The following KCTD1 variants were observed in gnomAD, a reference collection of about 807,000 sequenced individuals.
KCTD1 encodes BTB/POZ domain-containing protein KCTD1.
Under a neutral mutation model 66.0 loss-of-function variants are expected in KCTD1, and 24 were observed. The observed-to-expected ratio is 0.36, with a 90% CI of 0.26 to 0.51. The LOEUF is 0.51. KCTD1 is among the 20% of genes least tolerant of loss of function. The probability of loss-of-function intolerance (pLI) is 0.95; values close to 1 mark genes in which losing one functional copy is unlikely to be tolerated. For synonymous variants in KCTD1, 511 were observed against 517.2 expected (o/e 0.99, Z 0.16); for missense variants, 943 against 1,205.2 (o/e 0.78, Z 3.22).
chr18:26,499,572 T>C lies in KCTD1; in HGVS notation c.1988+1500A>G, dbSNP rs545864635. On this transcript the variant is annotated intron_variant, in intron 2 of 4. Transcript: ENST00000580059. Reference sequence around the variant, plus strand: ...AAATTAAGAGAGAAAACATTTCATCTTTCTTCTTTCCAACCTTCACATTCT... The same window carrying C: ...AAATTAAGAGAGAAAACATTTCATCCTTCTTCTTTCCAACCTTCACATTCT... 1.9e-4 allele frequency among the ~76,000 whole-genome samples: 29 copies of C among 152,374 alleles called. No homozygotes were observed. In the South Asian group the frequency reaches 5.2e-3, roughly 27 times the overall value.
intron 1 of KCTD1, among the ~76,000 whole-genome samples, chr18:26,507,065 C>A (rs1296433395): frequency 6.6e-6 from 1 of 152,068 alleles, no homozygotes; most frequent in East Asian, 1.9e-4. Context: ...ACTCGGGAGG[C>A]GGAGGCAGGA....
intron 1 of KCTD1, among the ~76,000 whole-genome samples, chr18:26,554,798 G>A (rs918999968): frequency 5.9e-5 from 9 of 152,182 alleles, no homozygotes; most frequent in Non-Finnish European, 8.8e-5. Context: ...CAAGAGAAAT[G>A]TAGTTTTCCA....
intron 1 of KCTD1, among the ~76,000 whole-genome samples, chr18:26,595,442 G>T (rs1376758101): frequency 1.3e-5 from 2 of 152,266 alleles, no homozygotes; most frequent in East Asian, 3.9e-4. Flanking sequence ...TTGCAGTTAG[G>T]CTTTGGCACG....
At chr18:26,584,382 T>C (rs996092512) in intron 1 of KCTD1, among the ~76,000 whole-genome samples, 2 of 152,240 alleles carry the variant, frequency 1.3e-5, no homozygotes, top group Non-Finnish European at 2.9e-5. Flanking sequence ...TTGTGATGTA[T>C]TGGGTTAAAC....
intron 1 of KCTD1, among the ~76,000 whole-genome samples, chr18:26,618,401 G>C (rs1987303519): frequency 6.6e-6 from 1 of 152,214 alleles, no homozygotes; most frequent in Non-Finnish European, 1.5e-5. Flanking sequence ...AAGTGGACTA[G>C]AGCCTTTGCT....
intron 3 of KCTD1, 54 bp from the exon 4 acceptor site, chr18:26,459,979 CAT>C: frequency 7.6e-7 from 1 of 1,316,086 alleles, no homozygotes; most frequent in Non-Finnish European, 1.0e-6. Flanking sequence ...AAGTACTAAA[CAT>C]GTCCACATCT....
intron 1 of KCTD1, among the ~76,000 whole-genome samples, chr18:26,561,465 C>CTATTGTAGA (rs1314470426): frequency 6.6e-6 from 1 of 152,152 alleles, no homozygotes; most frequent in African/African-American, 2.4e-5. Context: ...CTCCAGGTGC[C>CTATTGTAGA]TATTGTAGAT....
At chr18:26,524,882 T>C (rs1419992628) in intron 1 of KCTD1, among the ~76,000 whole-genome samples, 1 of 152,212 alleles carries the variant, frequency 6.6e-6, no homozygotes, top group Non-Finnish European at 1.5e-5. Flanking sequence ...GCATATGCTC[T>C]TCTGGAGTCA....
upstream of KCTD1, among the ~76,000 whole-genome samples, chr18:26,632,423 A>G (rs1987641045): frequency 6.6e-6 from 1 of 152,128 alleles, no homozygotes; most frequent in South Asian, 2.1e-4. Context: ...AAATAAATCA[A>G]CATAAAGACA....
chr18:26,514,479 G>C (rs544597140), intron 1 of KCTD1, among the ~76,000 whole-genome samples: 8 of 147,540 alleles, frequency 5.4e-5, no homozygotes, highest in South Asian at 4.4e-4. Flanking sequence ...AAGCCCAGGA[G>C]TTTGAGGCTG....
Position 26,529,942 on chromosome 18 carries a change from T to C in KCTD1, c.1809+16786A>G, listed in dbSNP as rs542807291. 2.0e-4 allele frequency among the ~76,000 whole-genome samples: 30 copies of C among 152,280 alleles called. No homozygotes were observed. The East Asian group carries it at 4.2e-3, about 22-fold the overall frequency. ...AAACTCAGAAAGTGAGAAGAGGTGA[T>C]AAACATAAACAATGTCAACAAAACC... On this transcript the variant is annotated intron_variant, in intron 1 of 4. Transcript: ENST00000580059.
At chr18:26,483,004 T>C (rs1278472284) in intron 2 of KCTD1, among the ~76,000 whole-genome samples, 2 of 152,206 alleles carry the variant, frequency 1.3e-5, no homozygotes, top group Non-Finnish European at 2.9e-5. Flanking sequence ...CCATGGGACA[T>C]ATGGTTTGGA....
At chr18:26,603,417 A>AGT (rs1175430688) in intron 1 of KCTD1, among the ~76,000 whole-genome samples, 3 of 137,258 alleles carry the variant, frequency 2.2e-5, no homozygotes, top group African/African-American at 8.4e-5. Context: ...GGGCAACTGG[A>AGT]GTGAGACCCT....
intron 1 of KCTD1, among the ~76,000 whole-genome samples, chr18:26,598,815 A>G (rs1489174618): frequency 6.7e-6 from 1 of 149,604 alleles, no homozygotes; most frequent in East Asian, 1.9e-4. Context: ...TCTCTCTTTA[A>G]ATTCTTTGCC....
At chr18:26,565,132 T>C (rs1210348494) in intron 1 of KCTD1, among the ~76,000 whole-genome samples, 1 of 152,174 alleles carries the variant, frequency 6.6e-6, no homozygotes, top group East Asian at 1.9e-4. Flanking sequence ...GGAAGATCCT[T>C]TGAAGGTGAA....
intron 1 of KCTD1, among the ~76,000 whole-genome samples, chr18:26,525,578 T>C (rs183808397): frequency 2.6e-5 from 4 of 152,354 alleles, no homozygotes; most frequent in East Asian, 3.9e-4. Flanking sequence ...ATGGTCAGCC[T>C]CTTCCTGCCT....
At chr18:26,599,996 G>A (rs1160599375) in intron 1 of KCTD1, 2 of 1,610,752 alleles carry the variant, frequency 1.2e-6, no homozygotes, top group African/African-American at 1.3e-5. Flanking sequence ...GCCAAGCTGT[G>A]GACCCTCTCA....
chr18:26,532,968 G>A lies in KCTD1; in HGVS notation c.1809+13760C>T, dbSNP rs12607327. Among the ~76,000 whole-genome samples, 62 of 152,332 alleles carry A rather than the reference G, an allele frequency of 4.1e-4. No individual in the cohort carries two copies. The East Asian group carries it at 0.01, about 25-fold the overall frequency. On this transcript the variant is annotated intron_variant, in intron 1 of 4. Transcript: ENST00000580059. The stretch of plus-strand genomic sequence containing the variant: ...CGAAGTTGGTGCTCAATAAATGTTT[G>A]TTAAATGAATAGAATAAGTGAAAGA...
intron 1 of KCTD1, among the ~76,000 whole-genome samples, chr18:26,535,498 T>A (rs909584244): frequency 6.6e-6 from 1 of 150,866 alleles, no homozygotes. Context: ...AACCTAAGAC[T>A]GTAGCTTTCA....
Sources: allele counts gnomAD v4.1 joint callset (sites outside exome capture counted in the v4.1 genomes callset), GRCh38; gene constraint gnomAD v4.1.1; transcripts MANE v1.5; gene names NCBI Gene and HGNC (gene_info 2026-07-23, HGNC 2026-07-21).